The following TMPRSS11F variants were observed in gnomAD, a reference collection of about 807,000 sequenced individuals.
The protein encoded by TMPRSS11F is transmembrane protease serine 11F.
In TMPRSS11F, 47 loss-of-function variants were observed where a neutral mutation model predicts 60.2. The observed-to-expected ratio is 0.78, with a 90% CI of 0.62 to 1.00. The LOEUF is 1.00. Ranked by LOEUF, TMPRSS11F falls within the 50% of genes least tolerant of loss-of-function variation. The pLI, the probability that TMPRSS11F is intolerant of heterozygous loss-of-function variation, is 0.00. For missense variants in TMPRSS11F, 519 were observed against 522.9 expected, an observed-to-expected ratio of 0.99 and a Z score of 0.07; for synonymous variants, 166 against 167.3, an observed-to-expected ratio of 0.99 and a Z score of 0.06.
intron 3 of TMPRSS11F, chr4:68,081,011 T>A (rs1417623047): frequency 1.3e-5 from 2 of 152,314 alleles, no homozygotes; most frequent in African/African-American, 2.4e-5. Context: ...AGTTTTTGTA[T>A]TGCAAATGTT....
chr4:68,071,682 G>A (rs188733503), intron 5 of TMPRSS11F, among the ~76,000 whole-genome samples: 198 of 152,254 alleles, frequency 1.3e-3, no homozygotes, highest in Non-Finnish European at 2.4e-3. Flanking sequence ...TTGAATTTTA[G>A]TTTCCTAAAC....
In TMPRSS11F at chr4:68,121,150, T is replaced by G. The variant is rs183440170; in HGVS notation, c.11+8660A>C. ...ATACTTCTTAGGTCTATTCTTTTTTTAGTTCTATGAGATGTCTCAATGGCC... is the reference window on the plus strand; with the variant it reads ...ATACTTCTTAGGTCTATTCTTTTTTGAGTTCTATGAGATGTCTCAATGGCC... On this transcript the variant is annotated intron_variant, in intron 1 of 9. Coordinates refer to ENST00000356291, the MANE Select transcript of TMPRSS11F (RefSeq NM_207407.2). Among the ~76,000 whole-genome samples the G allele has an allele frequency of 6.6e-5, 10 of 152,358 alleles. No homozygotes were observed. In the East Asian group the frequency reaches 1.9e-3, roughly 29 times the overall value.
chr4:68,119,110 G>A (rs1577937215), intron 1 of TMPRSS11F, among the ~76,000 whole-genome samples: 1 of 152,018 alleles, frequency 6.6e-6, no homozygotes, highest in Admixed American at 6.6e-5. Flanking sequence ...AGTTTTGTGG[G>A]CTGGATAGAA....
chr4:68,098,579 G>C (rs1057070955), intron 2 of TMPRSS11F, among the ~76,000 whole-genome samples: 2 of 152,148 alleles, frequency 1.3e-5, no homozygotes, highest in Non-Finnish European at 2.9e-5. Context: ...ATTCTGAAAA[G>C]AGTATACTAA....
intron 2 of TMPRSS11F, among the ~76,000 whole-genome samples, chr4:68,092,550 T>C (rs1038860958): frequency 6.6e-6 from 1 of 152,186 alleles, no homozygotes; most frequent in African/African-American, 2.4e-5. Flanking sequence ...AATTGTTATT[T>C]CTTTATTTTT....
chr4:68,117,336 A>G (rs1186217116), intron 1 of TMPRSS11F, among the ~76,000 whole-genome samples: 2 of 151,872 alleles, frequency 1.3e-5, no homozygotes, highest in Admixed American at 1.3e-4. Flanking sequence ...GTGAGGTGGC[A>G]GGTGCCTGTA....
chr4:68,098,613 G>T (rs1235805266), intron 2 of TMPRSS11F, among the ~76,000 whole-genome samples: 3 of 152,052 alleles, frequency 2.0e-5, no homozygotes, highest in African/African-American at 7.2e-5. Context: ...TATGTAATTT[G>T]TCTTTATGCG....
chr4:68,091,614 T>G (rs1723931956), intron 2 of TMPRSS11F, among the ~76,000 whole-genome samples: 1 of 152,036 alleles, frequency 6.6e-6, no homozygotes, highest in Non-Finnish European at 1.5e-5. Context: ...CTGCTCCACT[T>G]CCTATATTTT....
At position 68,090,631 on chromosome 4, in the gene TMPRSS11F, A is replaced by C. The variant is rs781239063; in HGVS notation, c.174T>G (p.Ser58=). 3 of 1,595,350 alleles carry C rather than the reference A, an allele frequency of 1.9e-6. No homozygotes were observed. The highest frequency in any genetic ancestry group is 1.1e-5 in the South Asian group (1 of 89,436). ...VTHFVVEDDK[S]FYYLASFKVT... The stretch of plus-strand genomic sequence containing the variant: ...CTTTAAAAGAGGCAAGGTAATAGAA[A>C]GACTTATCATCTGAAAGGTAAAACA... The change falls in exon 3 of 10, where the codon TCT becomes TCG. Residue 58 remains serine, a synonymous_variant. Coordinates refer to ENST00000356291, the MANE Select transcript of TMPRSS11F (RefSeq NM_207407.2).
At chr4:68,110,161 T>C (rs985434099) in intron 1 of TMPRSS11F, among the ~76,000 whole-genome samples, 1 of 152,180 alleles carries the variant, frequency 6.6e-6, no homozygotes, top group African/African-American at 2.4e-5. Context: ...ATACTTGTGG[T>C]TAATAACATC....
intron 1 of TMPRSS11F, among the ~76,000 whole-genome samples, chr4:68,106,660 G>C (rs142566237): frequency 1.5e-4 from 23 of 152,272 alleles, no homozygotes; most frequent in African/African-American, 5.5e-4. Context: ...AGCTAGAAAT[G>C]ACTGGTTTGA....
chr4:68,075,773 T>C (rs144860460), intron 3 of TMPRSS11F, among the ~76,000 whole-genome samples: 5 of 151,966 alleles, frequency 3.3e-5, no homozygotes, highest in Non-Finnish European at 7.4e-5. Context: ...GGCGGGTGGA[T>C]CATGAGGTCA....
At position 68,080,848 on chromosome 4, in the gene TMPRSS11F, C is replaced by T. The variant is rs140381422; in HGVS notation, c.283-6839G>A. ...AATTAATTGGTACTAGATAATGCTC[C>T]GCTATGCATCTATTTCAATGTCTAT... On this transcript the variant is annotated intron_variant, in intron 3 of 9. Transcript: ENST00000356291. The T allele has an allele frequency of 1.7e-3, 260 of 152,184 alleles. 1 individual carries two copies. The highest frequency in any genetic ancestry group is 5.8e-3 in the African/African-American group (240 of 41,520). 9.4% of individuals were successfully genotyped at this position (152,184 alleles called of 1,614,324 possible).
intron 1 of TMPRSS11F, among the ~76,000 whole-genome samples, chr4:68,119,158 A>T (rs554346576): frequency 1.3e-5 from 2 of 152,186 alleles, no homozygotes; most frequent in Non-Finnish European, 2.9e-5. Flanking sequence ...TTAAGGCCAT[A>T]GCCTAATCCA....
Position 68,072,488 on chromosome 4 carries a change from T to A in TMPRSS11F, c.351-2A>T, listed in dbSNP as rs1264941796. On this transcript the variant is annotated splice_acceptor_variant, in intron 4 of 9. Transcript: ENST00000356291. LOFTEE classifies it high-confidence loss of function. ...ATATCCACACCTTGTTCATCTGGAC[T>A]GAAGAACAAAAAAGCAGATAAAAAT... 1 of 1,503,402 alleles carries A rather than the reference T, an allele frequency of 6.7e-7. No homozygotes were observed. 93.1% of individuals were successfully genotyped at this position (1,503,402 alleles called of 1,614,324 possible).
intron 8 of TMPRSS11F, chr4:68,062,110 A>G (rs1316390158): frequency 2.2e-6 from 1 of 450,168 alleles, no homozygotes; most frequent in Non-Finnish European, 4.4e-6. Flanking sequence ...CATATTAAAG[A>G]ACATTACAAA....
At chr4:68,082,438 A>G (rs1723716078) in intron 3 of TMPRSS11F, among the ~76,000 whole-genome samples, 2 of 152,306 alleles carry the variant, frequency 1.3e-5, no homozygotes, top group East Asian at 3.9e-4. Flanking sequence ...ACCTCTGCTG[A>G]CCGCAGGGCC....
chr4:68,117,635 G>C (rs1405860633), intron 1 of TMPRSS11F, among the ~76,000 whole-genome samples: 1 of 152,106 alleles, frequency 6.6e-6, no homozygotes, highest in African/African-American at 2.4e-5. Context: ...ACATCTGTTA[G>C]GATGGTTGTT....
rs952847499 is a variant in TMPRSS11F at position 68,111,205 on chromosome 4, A to G, written c.12-12167T>C. Among the ~76,000 whole-genome samples the G allele has an allele frequency of 1.4e-4, 22 of 152,138 alleles. 1 individual carries two copies. The highest frequency in any genetic ancestry group is 4.8e-4 in the African/African-American group (20 of 41,450). On this transcript the variant is annotated intron_variant, in intron 1 of 9. Coordinates refer to ENST00000356291, the MANE Select transcript of TMPRSS11F (RefSeq NM_207407.2). ...TACTTTTCCCAGTTGGAGCTTATACATCTGCTTTCACAATCTTCACCCATC... is the reference window on the plus strand; with the variant it reads ...TACTTTTCCCAGTTGGAGCTTATACGTCTGCTTTCACAATCTTCACCCATC...
Sources: gnomAD v4.1 joint callset for allele counts (sites outside exome capture counted in the v4.1 genomes callset) on GRCh38, gnomAD v4.1.1 for gene constraint, MANE v1.5 for transcripts, NCBI Gene and HGNC (gene_info 2026-07-23, HGNC 2026-07-21) for gene names.